The following CCNQ variants were observed in gnomAD, a reference collection of about 807,000 sequenced individuals.
CCNQ encodes the protein cyclin-Q.
CCNQ carries 3 observed loss-of-function variants against 17.7 expected under a neutral mutation model. That is an observed-to-expected ratio of 0.17 (90% CI 0.08 to 0.44). CCNQ has a LOEUF of 0.44. Among genes scored for constraint, CCNQ ranks in the 20% least tolerant of loss-of-function variants. CCNQ has a pLI of 0.99. For synonymous variants in CCNQ, 73 were observed against 96.0 expected (o/e 0.76, Z 1.40); for missense variants, 146 against 222.6 (o/e 0.66, Z 2.19).
intron 1 of CCNQ, among the ~76,000 whole-genome samples, chrX:153,597,894 G>T (rs1031769870): frequency 9.0e-6 from 1 of 110,909 alleles, no homozygotes; most frequent in South Asian, 3.8e-4. Context: ...CGGACCCTCC[G>T]AGCAGACGGT....
intron 1 of CCNQ, among the ~76,000 whole-genome samples, chrX:153,597,894 G>C (rs1031769870): frequency 2.7e-5 from 3 of 110,909 alleles, no homozygotes; most frequent in African/African-American, 6.6e-5. Flanking sequence ...CGGACCCTCC[G>C]AGCAGACGGT....
chrX:153,595,277 C>T (rs782693744), intron 2 of CCNQ, among the ~76,000 whole-genome samples: 1 of 111,763 alleles, frequency 8.9e-6, no homozygotes, highest in Admixed American at 9.4e-5. Context: ...GCCACCACGC[C>T]CGGCTAATTT....
rs782295574 is a variant in CCNQ, at chrX:153,589,244, G to A, written c.658-790C>T. ...AGGGTTGGCCACGCAGGCGCTCCAT[G>A]CCCATGCAGCCCACCACCTCCCACG... is the stretch of plus-strand genomic sequence containing the variant. On this transcript the variant is annotated intron_variant, in intron 4 of 4. Transcript: ENST00000576892. Among the ~76,000 whole-genome samples, 4 of 113,021 alleles carry A rather than the reference G, an allele frequency of 3.5e-5. No individual in the cohort carries two copies. The East Asian group carries it at 1.1e-3, about 31-fold the overall frequency.
rs1176099978 is a variant in CCNQ at position 153,588,349 on chromosome X, G to A, written c.*16C>T. 17 of 1,190,997 alleles carry A rather than the reference G, an allele frequency of 1.4e-5. No individual in the cohort carries two copies. Among genetic ancestry groups the A allele is most frequent in the Non-Finnish European group, 6.8e-6 (6 of 876,859 alleles). On this transcript the variant is annotated 3_prime_UTR_variant, in exon 5 of 5. Transcript: ENST00000576892. ...ACCATCCTGGGCTTCTCTTTGGGCA[G>A]GCCTGGGCCAGGACCTTAGGGGATC...
Position 153,588,285 on chromosome X carries a change from C to A in CCNQ, c.*80G>T. 1.2e-6 allele frequency: 1 copy of A among 823,351 alleles called. No homozygotes were observed. Among genetic ancestry groups the A allele is most frequent in the Non-Finnish European group, 1.8e-6 (1 of 541,019 alleles). 67.9% of individuals were successfully genotyped at this position (823,351 alleles called of 1,213,427 possible). ...TCCCAGCTGGTCCTGTGGGGACCAG[C>A]CGTCATGGCGACGTGGTGACAATGT... On this transcript the variant is annotated 3_prime_UTR_variant, in exon 5 of 5. Coordinates refer to ENST00000576892, the MANE Select transcript of CCNQ (RefSeq NM_152274.5).
chrX:153,597,604 G>A (rs1348457814), intron 1 of CCNQ: 1 of 111,901 alleles, frequency 8.9e-6, no homozygotes, highest in Non-Finnish European at 1.9e-5. Flanking sequence ...CCATCTTAAG[G>A]TCTCTAATCA....
In CCNQ at chrX:153,596,101, A is replaced by G. The variant is rs1023545906; in HGVS notation, c.199T>C (p.Tyr67His). Residue 67 changes from tyrosine to histidine, a missense_variant, in exon 2 of 5, where the codon TAT (tyrosine) becomes CAT (histidine). By Grantham distance (83) the Tyr-to-His change is moderately conservative. Coordinates refer to ENST00000576892, the MANE Select transcript of CCNQ (RefSeq NM_152274.5). ...KFFCETNLDA[Y>H]DPYLIAMSSI... ...GACATGGCAATCAGGTAAGGGTCAT[A>G]GGCGTCCAGGTTGGTCTCGCAAAAG... 8.2e-7 allele frequency: 1 copy of G among 1,212,228 alleles called. No individual in the cohort carries two copies. Among genetic ancestry groups the G allele is most frequent in the Non-Finnish European group, 1.1e-6 (1 of 895,599 alleles).
chrX:153,594,173 T>C (rs1557026372), intron 3 of CCNQ, among the ~76,000 whole-genome samples: 3 of 112,628 alleles, frequency 2.7e-5, no homozygotes, highest in Non-Finnish European at 5.6e-5. Context: ...CATCACAGCA[T>C]CCCCTGGGGA....
chrX:153,594,557 T>A lies in CCNQ; in HGVS notation c.419A>T (p.His140Leu). ...RVLRFQVSFQ[H>L]PHKYLLHYLV... ...TTCCCCAGTATGTACCTTGTGTGGA[T>A]GCTGGAAGGAGACCTGGAAGCGCAG... The change falls in exon 3 of 5, where the codon CAT (histidine) becomes CTT (leucine). Residue 140 changes from histidine to leucine, a missense_variant. Transcript: ENST00000576892. 4 of 1,210,785 alleles carry A rather than the reference T, an allele frequency of 3.3e-6. No homozygotes were observed. Among genetic ancestry groups the A allele is most frequent in the Non-Finnish European group, 4.5e-6 (4 of 895,442 alleles).
chrX:153,593,115 A>C (rs1222079501), intron 3 of CCNQ, among the ~76,000 whole-genome samples: 1 of 112,590 alleles, frequency 8.9e-6, no homozygotes, highest in African/African-American at 3.2e-5. Context: ...CATGGGCAGA[A>C]CAGAAGGTGC....
chrX:153,597,935 T>G (rs1185688007), intron 1 of CCNQ, among the ~76,000 whole-genome samples: 1 of 110,965 alleles, frequency 9.0e-6, no homozygotes, highest in Non-Finnish European at 1.9e-5. Context: ...CATCCTTCCC[T>G]AATAATAACT....
Position 153,595,879 on chromosome X carries a change from A to G in CCNQ, c.296+125T>C, listed in dbSNP as rs941562921. 8.8e-5 allele frequency: 73 copies of G among 827,451 alleles called. No homozygotes were observed. In the African/African-American group the frequency reaches 1.1e-3, roughly 12 times the overall value. The allele number at this position is 827,451 out of a possible 1,213,427, so 68.2% of individuals were successfully genotyped here. ...TACTGTTTCTGGCCCTGCCTGGTTC[A>G]AGGCCATCCAGGTACTTCCTTCCAA... On this transcript the variant is annotated intron_variant, in intron 2 of 4. Coordinates refer to ENST00000576892, the MANE Select transcript of CCNQ (RefSeq NM_152274.5).
chrX:153,598,927 C>T (rs781788994), intron 1 of CCNQ, 35 bp downstream of exon 1: 2 of 1,028,046 alleles, frequency 1.9e-6, no homozygotes, highest in African/African-American at 2.0e-5. Context: ...CGGGCCGCGG[C>T]GCCGCCTGTC....
chrX:153,598,886 C>T lies in CCNQ; in HGVS notation c.112+76G>A, dbSNP rs1350069957. 3.5e-5 allele frequency: 27 copies of T among 777,017 alleles called. No individual in the cohort carries two copies. In the East Asian group the frequency reaches 1.3e-3, roughly 38 times the overall value. The allele number at this position is 777,017 out of a possible 1,213,427, so 64.0% of individuals were successfully genotyped here. ...TGCTACGGTGAGCACTCCAGAAGGC[C>T]GGCCTGGCCAGCCGGGCCCGCTCCG... On this transcript the variant is annotated intron_variant, in intron 1 of 4. Transcript: ENST00000576892.
chrX:153,598,373 G>A (rs2091042733), intron 1 of CCNQ, among the ~76,000 whole-genome samples: 1 of 110,722 alleles, frequency 9.0e-6, no homozygotes, highest in African/African-American at 3.3e-5. Flanking sequence ...CCGAGATCAC[G>A]CCACTGCACT....
chrX:153,597,738 T>C (rs2091037878), intron 1 of CCNQ: 1 of 111,800 alleles, frequency 8.9e-6, no homozygotes, highest in African/African-American at 3.3e-5. Flanking sequence ...GTAATACATT[T>C]TATAAAGAAG....
chrX:153,596,661 G>A (rs911513909), intron 1 of CCNQ, among the ~76,000 whole-genome samples: 22 of 112,912 alleles, frequency 1.9e-4, no homozygotes, highest in African/African-American at 5.8e-4. Flanking sequence ...CGGCCTCGTG[G>A]GTGCCACAAG....
chrX:153,598,941 G>A, intron 1 of CCNQ, 21 bp downstream of exon 1: 1 of 1,094,420 alleles, frequency 9.1e-7, no homozygotes, highest in Non-Finnish European at 1.2e-6. Flanking sequence ...GCCTGTCCTG[G>A]CCTCCCCCGG....
chrX:153,598,899 C>A (rs1416992472), intron 1 of CCNQ, 63 bp downstream of exon 1: 2 of 874,870 alleles, frequency 2.3e-6, no homozygotes, highest in Non-Finnish European at 3.0e-6. Context: ...CCTGGCCAGC[C>A]GGGCCCGCTC....
Sources: gnomAD v4.1 joint callset for allele counts (sites outside exome capture counted in the v4.1 genomes callset) on GRCh38, gnomAD v4.1.1 for gene constraint, MANE v1.5 for transcripts, NCBI Gene and HGNC (gene_info 2026-07-23, HGNC 2026-07-21) for gene names.